TMEM69: variants seen among roughly 807,000 people sequenced by gnomAD.
TMEM69 encodes transmembrane protein 69, also known as chromosome 1 open reading frame 154.
A neutral mutation model predicts 15.8 loss-of-function variants in TMEM69; 17 were observed. The ratio of observed to expected loss-of-function variants is 1.07; its 90% CI spans 0.73 to 1.61. The LOEUF (loss-of-function observed/expected upper bound fraction) is 1.61, where lower values mean the gene tolerates loss of function less well. Ranked by LOEUF, TMEM69 falls within the 40% of genes most tolerant of loss-of-function variation. The pLI is 0.00. For missense variants in TMEM69, 230 were observed against 286.1 expected, an observed-to-expected ratio of 0.80 and a Z score of 1.41; for synonymous variants, 80 against 98.6, an observed-to-expected ratio of 0.81 and a Z score of 1.12.
chr1:45,691,433 C>T (rs1645344369), intron 2 of TMEM69, among the ~76,000 whole-genome samples: 2 of 152,092 alleles, frequency 1.3e-5, no homozygotes, highest in Admixed American at 1.3e-4. Context: ...GCCCCAGCTA[C>T]CTGGGAGGCT....
Position 45,691,097 on chromosome 1 carries a change from A to G in TMEM69, c.29A>G (p.Gln10Arg). 1.2e-6 allele frequency: 2 copies of G among 1,614,192 alleles called. No individual in the cohort carries two copies. The highest frequency in any genetic ancestry group is 2.2e-5 in the South Asian group (2 of 91,076). Residue 10 changes from glutamine (Q) to arginine (R), a missense_variant, in exon 2 of 3, where the codon CAA becomes CGA. Gln to Arg is a conservative substitution (Grantham distance 43, BLOSUM62 1). Coordinates refer to ENST00000372025, the MANE Select transcript of TMEM69 (RefSeq NM_016486.4). ...CTTCGCTTCATCCAGAAGTTTTCTC[A>G]AGCATCTTCAAAGGTTGGTTTGTTC... MLRFIQKFSQASSKILKYSF... is the reference protein window; with the variant it reads MLRFIQKFSRASSKILKYSF...
At chr1:45,691,714 G>A (rs376004610) in intron 2 of TMEM69, among the ~76,000 whole-genome samples, 8 of 151,802 alleles carry the variant, frequency 5.3e-5, no homozygotes, top group African/African-American at 1.9e-4. Flanking sequence ...GGTGGTAGGC[G>A]CCCGTAGTCC....
rs950932836 is a variant in TMEM69 at position 45,691,128 on chromosome 1, A to G, written c.42+18A>G. ...CTTCAAAGGTTGGTTTGTTCAGCAG[A>G]TATTTGAGCACTATTTGCCAAATAT... On this transcript the variant is annotated intron_variant, in intron 2 of 2. Transcript: ENST00000372025. 6.8e-6 allele frequency: 11 copies of G among 1,613,490 alleles called. No homozygotes were observed. Among genetic ancestry groups the G allele is most frequent in the Non-Finnish European group, 8.5e-6 (10 of 1,179,530 alleles).
At chr1:45,691,460 T>G (rs1414041381) in intron 2 of TMEM69, among the ~76,000 whole-genome samples, 3 of 151,964 alleles carry the variant, frequency 2.0e-5, no homozygotes, top group Non-Finnish European at 2.9e-5. Flanking sequence ...GGAGGATCGC[T>G]TGAGCCCAGG....
rs115547462 is a variant in TMEM69, at chr1:45,691,203, G to A, written c.42+93G>A. 2.6e-3 allele frequency: 2,631 copies of A among 1,019,906 alleles called. 54 individuals are homozygous for A. In the African/African-American group the frequency reaches 0.038, roughly 15 times the overall value. The allele number at this position is 1,019,906 out of a possible 1,614,324, so 63.2% of individuals were successfully genotyped here. ...GAAAAAGACAAAAATCCTTACCCTTGTATATTCAGGTGATGGAGGGAAGAG... is the reference window on the plus strand; with the variant it reads ...GAAAAAGACAAAAATCCTTACCCTTATATATTCAGGTGATGGAGGGAAGAG... On this transcript the variant is annotated intron_variant, in intron 2 of 2. Transcript: ENST00000372025.
rs1474107517 is a variant in TMEM69 at position 45,693,203 on chromosome 1, G to C, written c.43-1G>C. ...GTCTTTTGGTTCTATTTTCTTTGTA[G>C]ATACTGAAGTACTCTTTCCCAGTGG... On this transcript the variant is annotated splice_acceptor_variant, in intron 2 of 2. Transcript: ENST00000372025. LOFTEE classifies it high-confidence loss of function. 1 of 1,570,034 alleles carries C rather than the reference G, an allele frequency of 6.4e-7. No homozygotes were observed. Among genetic ancestry groups the C allele is most frequent in the Middle Eastern group, 1.7e-4 (1 of 5,846 alleles).
intron 2 of TMEM69, 99 bp downstream of exon 2, chr1:45,691,209 T>A: frequency 1.0e-6 from 1 of 988,598 alleles, no homozygotes; most frequent in Non-Finnish European, 1.6e-6. Context: ...CCTTGTATAT[T>A]CAGGTGATGG....
intron 1 of TMEM69, among the ~76,000 whole-genome samples, chr1:45,689,690 G>T (rs1200042672): frequency 6.6e-6 from 1 of 152,104 alleles, no homozygotes; most frequent in African/African-American, 2.4e-5. Context: ...TACAAAAAAT[G>T]AGCTGGGCGT....
At chr1:45,690,363 A>G (rs529902346) in intron 1 of TMEM69, among the ~76,000 whole-genome samples, 4 of 152,224 alleles carry the variant, frequency 2.6e-5, no homozygotes, top group East Asian at 3.9e-4. Flanking sequence ...TTGGCCAGAC[A>G]TGGTGGCAGG....
intron 2 of TMEM69, among the ~76,000 whole-genome samples, chr1:45,691,876 G>GTAAAAATTAAAAAAA (rs1557731640): frequency 1.2e-5 from 1 of 80,536 alleles, no homozygotes; most frequent in Admixed American, 1.3e-4. Flanking sequence ...GGCCAGGCAC[G>GTAAAAATTAAAAAAA]GTCACTCACT....
rs535413409 is a variant in TMEM69, at chr1:45,693,342, A to G, written c.181A>G (p.Thr61Ala). ...ATCATTTCCAGCGTATATGAGCAAG[A>G]CACAGTGCTATCATACATCCCCCTG... ...SSSFPAYMSK[T>A]QCYHTSPCSF... The change falls in exon 3 of 3, where the codon ACA becomes GCA. Residue 61 changes from threonine (T) to alanine (A), a missense_variant. Physicochemically the swap from Thr to Ala is moderately conservative, Grantham distance 58. Transcript: ENST00000372025. 2 of 1,614,018 alleles carry G rather than the reference A, an allele frequency of 1.2e-6. No homozygotes were observed. The highest frequency in any genetic ancestry group is 1.7e-6 in the Non-Finnish European group (2 of 1,180,032).
At chr1:45,690,912 T>G in intron 1 of TMEM69, 62 bp from the exon 2 acceptor site, 1 of 707,388 alleles carries the variant, frequency 1.4e-6, no homozygotes, top group Non-Finnish European at 2.5e-6. Context: ...CATGAATTAC[T>G]ACTATTTAAA....
In TMEM69 at chr1:45,693,982, C is replaced by T; in HGVS notation, c.*77C>T. On this transcript the variant is annotated 3_prime_UTR_variant, in exon 3 of 3. Transcript: ENST00000372025. ...GTCTGGGAAGTGAGGAGCGCCTCTG[C>T]CTGGCCGCCTGACCATCTGGGAAGT... 2 of 959,880 alleles carry T rather than the reference C, an allele frequency of 2.1e-6. No homozygotes were observed. Among genetic ancestry groups the T allele is most frequent in the Non-Finnish European group, 3.0e-6 (2 of 665,436 alleles). The allele number at this position is 959,880 out of a possible 1,614,324, so 59.5% of individuals were successfully genotyped here.
Position 45,694,206 on chromosome 1 carries a change from T to C in TMEM69, c.*301T>C, listed in dbSNP as rs970918103. 4 of 511,010 alleles carry C rather than the reference T, an allele frequency of 7.8e-6. No individual in the cohort carries two copies. Among genetic ancestry groups the C allele is most frequent in the African/African-American group, 7.8e-5 (4 of 51,302 alleles). 31.7% of individuals were successfully genotyped at this position (511,010 alleles called of 1,614,324 possible). A position where few individuals can be genotyped will look rare whatever the true frequency, so the allele number is the denominator to read the frequency against. ...CCAGCTACACCTTTTTCTACTTCTG[T>C]TTGGCTTTTTTTCCCCACACCAATG... is the stretch of plus-strand genomic sequence containing the variant. On this transcript the variant is annotated 3_prime_UTR_variant, in exon 3 of 3. Coordinates refer to ENST00000372025, the MANE Select transcript of TMEM69 (RefSeq NM_016486.4).
chr1:45,690,594 GA>G (rs904508510), intron 1 of TMEM69, among the ~76,000 whole-genome samples: 2 of 151,096 alleles, frequency 1.3e-5, no homozygotes, highest in Non-Finnish European at 3.0e-5. Flanking sequence ...AAAATAGGAG[GA>G]AAAAAGGAAA....
At position 45,691,110 on chromosome 1, in the gene TMEM69, G is replaced by T. The variant is rs758882971; in HGVS notation, c.42G>T (p.Lys14Asn). 2.5e-6 allele frequency: 4 copies of T among 1,614,020 alleles called. No individual in the cohort carries two copies. Among genetic ancestry groups the T allele is most frequent in the East Asian group, 4.5e-5 (2 of 44,898 alleles). ...FIQKFSQASSKILKYSFPVGL... is the reference protein window; with the variant it reads ...FIQKFSQASSNILKYSFPVGL... The stretch of plus-strand genomic sequence containing the variant: ...AGAAGTTTTCTCAAGCATCTTCAAA[G>T]GTTGGTTTGTTCAGCAGATATTTGA... Residue 14 changes from lysine (K) to asparagine (N), a missense_variant and splice_region_variant, in exon 2 of 3, where the codon AAG becomes AAT. Transcript: ENST00000372025.
At chr1:45,690,269 A>T (rs1645336198) in intron 1 of TMEM69, among the ~76,000 whole-genome samples, 1 of 152,218 alleles carries the variant, frequency 6.6e-6, no homozygotes, top group African/African-American at 2.4e-5. Context: ...TGGGAGGCCT[A>T]GGCAGTTGGA....
At position 45,690,961 on chromosome 1, in the gene TMEM69, G is replaced by A; in HGVS notation, c.-95-13G>A. ...AATGAGGAAAATTAAGTGACACCTT[G>A]TGTTATACACAGAAACATGCCCCTG... On this transcript the variant is annotated splice_polypyrimidine_tract_variant and intron_variant, in intron 1 of 2. Coordinates refer to ENST00000372025, the MANE Select transcript of TMEM69 (RefSeq NM_016486.4). 2.6e-6 allele frequency: 3 copies of A among 1,171,338 alleles called. No individual in the cohort carries two copies. In the Admixed American group the frequency reaches 5.7e-5, roughly 22 times the overall value. 72.6% of individuals were successfully genotyped at this position (1,171,338 alleles called of 1,614,324 possible).
At position 45,693,728 on chromosome 1, in the gene TMEM69, AAT is replaced by A. The variant is rs1645362337; in HGVS notation, c.569_570del (p.Ile190AsnfsTer10). 6.2e-7 allele frequency: 1 copy of A among 1,614,062 alleles called. No homozygotes were observed. Among genetic ancestry groups the A allele is most frequent in the Non-Finnish European group, 8.5e-7 (1 of 1,180,036 alleles). ...ERLSEAIVTV[I>X]MGMGVAFHLE... is the part of the protein sequence containing the mutation. ...GACTTAGTGAAGCCATAGTCACAGT[AAT>A]AATGGGTATGGGAGTAGCATTCCAC... On this transcript the variant is annotated frameshift_variant, in exon 3 of 3. Transcript: ENST00000372025. LOFTEE classifies it high-confidence loss of function.
Sources: gnomAD v4.1 joint callset for allele counts (sites outside exome capture counted in the v4.1 genomes callset) on GRCh38, gnomAD v4.1.1 for gene constraint, MANE v1.5 for transcripts, NCBI Gene and HGNC (gene_info 2026-07-23, HGNC 2026-07-21) for gene names.